Variants in DSCAM observed in about 807,000 individuals in gnomAD.
DSCAM encodes cell adhesion molecule DSCAM.
DSCAM carries 47 observed loss-of-function variants against 217.7 expected under a neutral mutation model. The observed-to-expected ratio is 0.22, with a 90% confidence interval of 0.17 to 0.28. The LOEUF is 0.28. Ranked by LOEUF, DSCAM falls within the 10% of genes least tolerant of loss-of-function variation. The pLI is 1.00. For missense variants in DSCAM, 2,080 were observed against 2,618.3 expected, an observed-to-expected ratio of 0.79 and a Z score of 4.49; for synonymous variants, 1,056 against 1,015.3, an observed-to-expected ratio of 1.04 and a Z score of -0.76.
intron 3 of DSCAM, among the ~76,000 whole-genome samples, chr21:40,529,923 C>T (rs568305510): frequency 1.3e-5 from 2 of 152,254 alleles, no homozygotes; most frequent in African/African-American, 4.8e-5. Flanking sequence ...ACAGGCTTGT[C>T]GTTGCTTATT....
At chr21:40,312,009 C>T (rs16999657) in intron 9 of DSCAM, 72 bp downstream of exon 9, 1 of 986,488 alleles carries the variant, frequency 1.0e-6, no homozygotes, top group Non-Finnish European at 1.3e-6. Context: ...CGAAATATTT[C>T]AAGCCCCATC....
intron 16 of DSCAM, among the ~76,000 whole-genome samples, chr21:40,146,263 G>C (rs1440530524): frequency 6.6e-6 from 1 of 151,620 alleles, no homozygotes; most frequent in African/African-American, 2.4e-5. Context: ...GGGCTTGACG[G>C]AGGGGGGGAG....
intron 3 of DSCAM, among the ~76,000 whole-genome samples, chr21:40,467,441 T>C (rs1017207907): frequency 6.6e-6 from 1 of 152,226 alleles, no homozygotes; most frequent in African/African-American, 2.4e-5. Flanking sequence ...CTATTTTGTG[T>C]GGAAAGAATA....
chr21:40,056,145 T>C (rs1336864333), intron 28 of DSCAM, among the ~76,000 whole-genome samples: 1 of 152,198 alleles, frequency 6.6e-6, no homozygotes, highest in Non-Finnish European at 1.5e-5. Flanking sequence ...ATGAAACAAA[T>C]GAAAAGCAAT....
chr21:40,551,240 T>G (rs2076627232), intron 3 of DSCAM, among the ~76,000 whole-genome samples: 1 of 152,150 alleles, frequency 6.6e-6, no homozygotes, highest in Non-Finnish European at 1.5e-5. Context: ...AGGTATACAT[T>G]GGTTCAGTCC....
At position 40,061,424 on chromosome 21, in the gene DSCAM, C is replaced by A. The variant is rs150902908; in HGVS notation, c.4919+1445G>T. Among the ~76,000 whole-genome samples, 629 of 152,128 alleles carry A rather than the reference C, an allele frequency of 4.1e-3. 4 individuals are homozygous for A. The highest frequency in any genetic ancestry group is 0.015 in the African/African-American group (603 of 41,472). ...TCTCTACTAAAAATACAAAAATCAGCCAGGCATGGTGGCGGGCGCCTGTAA... is the reference window on the plus strand; with the variant it reads ...TCTCTACTAAAAATACAAAAATCAGACAGGCATGGTGGCGGGCGCCTGTAA... On this transcript the variant is annotated intron_variant, in intron 28 of 32. Transcript: ENST00000400454.
At chr21:40,488,686 T>C (rs1347912544) in intron 3 of DSCAM, among the ~76,000 whole-genome samples, 2 of 152,196 alleles carry the variant, frequency 1.3e-5, no homozygotes, top group African/African-American at 2.4e-5. Flanking sequence ...CTGGGAGGGA[T>C]ATTATAGCTC....
Position 40,013,257 on chromosome 21 carries a change from C to A in DSCAM, c.5816G>T (p.Arg1939Leu). 1.9e-6 allele frequency: 3 copies of A among 1,613,768 alleles called. No homozygotes were observed. The highest frequency in any genetic ancestry group is 1.7e-5 in the Admixed American group (1 of 59,966). Reference sequence around the variant, plus strand: ...CGGGATGGGCTCCAGGACCGTGGGGCGCTTCAGGGTCCGGCTTTTCTGAGG... The same window carrying A: ...CGGGATGGGCTCCAGGACCGTGGGGAGCTTCAGGGTCCGGCTTTTCTGAGG... ...LEPQKSRTLK[R>L]PTVLEPIPME... is the part of the protein sequence containing the mutation. The change falls in exon 33 of 33, where the codon CGC (arginine) becomes CTC (leucine). Residue 1939 changes from arginine (R) to leucine (L), a missense_variant. Arg to Leu is a moderately radical substitution (Grantham distance 102, BLOSUM62 -2). This residue lies in a region of DSCAM where 145 missense variants were observed against 138.5 expected (regional missense o/e 1.05). Transcript: ENST00000400454.
At chr21:40,103,574 T>A (rs2089781059) in intron 20 of DSCAM, among the ~76,000 whole-genome samples, 1 of 152,098 alleles carries the variant, frequency 6.6e-6, no homozygotes, top group East Asian at 1.9e-4. Context: ...GGCAGAAAGA[T>A]CTTCCTAAAG....
chr21:40,165,786 T>C (rs983931966), intron 16 of DSCAM, among the ~76,000 whole-genome samples: 3 of 152,316 alleles, frequency 2.0e-5, no homozygotes, highest in Non-Finnish European at 4.4e-5. Context: ...AGCTAGTGGG[T>C]AAAACTTCAC....
chr21:40,354,980 A>T (rs1452627961), intron 4 of DSCAM, among the ~76,000 whole-genome samples: 3 of 152,152 alleles, frequency 2.0e-5, no homozygotes, highest in African/African-American at 7.2e-5. Context: ...TTCATTTCAC[A>T]AATATGTTTT....
intron 30 of DSCAM, among the ~76,000 whole-genome samples, chr21:40,044,531 G>A (rs2088812361): frequency 6.6e-6 from 1 of 152,146 alleles, no homozygotes; most frequent in African/African-American, 2.4e-5. Context: ...ACATATTTGA[G>A]TCTTGCTCTT....
intron 9 of DSCAM, among the ~76,000 whole-genome samples, chr21:40,302,159 A>G (rs1201211947): frequency 6.6e-6 from 1 of 152,122 alleles, no homozygotes; most frequent in Non-Finnish European, 1.5e-5. Context: ...CGGCTTGCCA[A>G]TATAGTTTGT....
chr21:40,578,635 T>C (rs1358015336), intron 3 of DSCAM, among the ~76,000 whole-genome samples: 1 of 152,176 alleles, frequency 6.6e-6, no homozygotes, highest in Non-Finnish European at 1.5e-5. Context: ...GTTCTTTTGC[T>C]CTTCACAATA....
At chr21:40,777,874 A>G (rs1041774806) in intron 1 of DSCAM, among the ~76,000 whole-genome samples, 1 of 152,176 alleles carries the variant, frequency 6.6e-6, no homozygotes, top group African/African-American at 2.4e-5. Flanking sequence ...AAAAACAAAG[A>G]GGAGATCTTA....
Position 40,432,025 on chromosome 21 carries a change from C to A in DSCAM, c.509-62780G>T, listed in dbSNP as rs575964589. On this transcript the variant is annotated intron_variant, in intron 3 of 32. Coordinates refer to ENST00000400454, the MANE Select transcript of DSCAM (RefSeq NM_001389.5). ...GACTAGCCTGGCCAACATAGTGAAA[C>A]CCCGGCTCTATTAAAAAATACAAAA... Among the ~76,000 whole-genome samples the A allele has an allele frequency of 4.6e-5, 7 of 152,112 alleles. No homozygotes were observed. In the East Asian group the frequency reaches 1.4e-3, roughly 29 times the overall value.
intron 1 of DSCAM, among the ~76,000 whole-genome samples, chr21:40,719,097 C>T (rs1193947115): frequency 9.2e-5 from 14 of 152,010 alleles, no homozygotes; most frequent in Admixed American, 9.2e-4. Context: ...GCCTGAGCGA[C>T]ACAGTGAGAC....
At chr21:40,109,674 A>G (rs1366752329) in intron 20 of DSCAM, among the ~76,000 whole-genome samples, 7 of 152,330 alleles carry the variant, frequency 4.6e-5, no homozygotes, top group East Asian at 1.9e-4. Flanking sequence ...CTAGTTAAAG[A>G]AAGGGGTGAC....
chr21:40,832,092 T>C (rs1453630200), intron 1 of DSCAM, among the ~76,000 whole-genome samples: 8 of 152,206 alleles, frequency 5.3e-5, no homozygotes. Flanking sequence ...TTTTGCAATC[T>C]GTAAAACTGA....
Sources: gnomAD v4.1 joint callset for allele counts (sites outside exome capture counted in the v4.1 genomes callset) on GRCh38, gnomAD v4.1.1 for gene constraint, gnomAD v4.1.1 regional missense constraint, MANE v1.5 for transcripts, NCBI Gene and HGNC (gene_info 2026-07-23, HGNC 2026-07-21) for gene names.